The following KIF13B variants were observed in gnomAD, a reference collection of about 807,000 sequenced individuals.
KIF13B encodes kinesin-like protein KIF13B.
Under a neutral mutation model 222.0 loss-of-function variants are expected in KIF13B, and 127 were observed. The ratio of observed to expected loss-of-function variants is 0.57; its 90% CI spans 0.50 to 0.66. The LOEUF is 0.66. Among genes scored for constraint, KIF13B ranks in the 30% least tolerant of loss-of-function variants. The pLI is 0.00. For missense variants in KIF13B, 2,173 were observed against 2,379.0 expected, an observed-to-expected ratio of 0.91 and a Z score of 1.80; for synonymous variants, 976 against 919.0, an observed-to-expected ratio of 1.06 and a Z score of -1.12.
chr8:29,177,132 G>A (rs960367935), intron 9 of KIF13B, among the ~76,000 whole-genome samples: 17 of 152,120 alleles, frequency 1.1e-4, no homozygotes, highest in African/African-American at 3.9e-4. Flanking sequence ...GACACACCTG[G>A]GGGTGGGGGA....
chr8:29,091,381 T>C (rs1027114406), intron 37 of KIF13B, among the ~76,000 whole-genome samples: 1 of 152,162 alleles, frequency 6.6e-6, no homozygotes, highest in Non-Finnish European at 1.5e-5. Context: ...CTCCGTGACT[T>C]CCAACGTGAT....
rs371019353 is a variant in KIF13B, at chr8:29,251,795, C to A, written c.56-6356G>T. ...TTGTATTTCACAATTTAAAATATAG[C>A]ACTCAATACTATTATAAGTAACACA... On this transcript the variant is annotated intron_variant, in intron 1 of 39. Coordinates refer to ENST00000524189, the MANE Select transcript of KIF13B (RefSeq NM_015254.4). Among the ~76,000 whole-genome samples the A allele has an allele frequency of 7.2e-5, 11 of 152,226 alleles. 1 individual carries two copies. The South Asian group carries it at 2.3e-3, about 32-fold the overall frequency.
chr8:29,163,820 C>T (rs946122895), intron 12 of KIF13B, among the ~76,000 whole-genome samples: 5 of 152,180 alleles, frequency 3.3e-5, no homozygotes, highest in African/African-American at 1.2e-4. Context: ...CTCACTTAGA[C>T]TTGCCCTGTT....
At chr8:29,208,753 C>T (rs1814073844) in intron 2 of KIF13B, among the ~76,000 whole-genome samples, 1 of 152,084 alleles carries the variant, frequency 6.6e-6, no homozygotes. Flanking sequence ...ATTTTTTGCC[C>T]CTGCTTGCCA....
In KIF13B at chr8:29,130,483, A is replaced by C. The variant is rs1292648727; in HGVS notation, c.3075+50T>G. 22 of 1,592,674 alleles carry C rather than the reference A, an allele frequency of 1.4e-5. No homozygotes were observed. In the Admixed American group the frequency reaches 3.6e-4, roughly 26 times the overall value. Reference sequence around the variant, plus strand: ...TTTCCACTAAAAAGAAGCCAATATTAAGCTTTCTGGCACCAAAGAATCTAA... The same window carrying C: ...TTTCCACTAAAAAGAAGCCAATATTCAGCTTTCTGGCACCAAAGAATCTAA... On this transcript the variant is annotated intron_variant, in intron 24 of 39. Transcript: ENST00000524189.
At chr8:29,242,166 G>C (rs1815810926) in intron 2 of KIF13B, among the ~76,000 whole-genome samples, 1 of 152,090 alleles carries the variant, frequency 6.6e-6, no homozygotes, top group African/African-American at 2.4e-5. Context: ...AGCAAAAATA[G>C]AAGATAAAAC....
intron 29 of KIF13B, among the ~76,000 whole-genome samples, chr8:29,119,545 A>C (rs1809758062): frequency 6.6e-6 from 1 of 152,168 alleles, no homozygotes; most frequent in African/African-American, 2.4e-5. Flanking sequence ...GACCGAGAAC[A>C]TGTACCATGC....
intron 13 of KIF13B, among the ~76,000 whole-genome samples, chr8:29,159,012 C>A (rs1270405767): frequency 3.9e-5 from 6 of 152,184 alleles, no homozygotes; most frequent in Non-Finnish European, 1.5e-5. Context: ...ATATTTAGGT[C>A]CTATTCTAAC....
chr8:29,152,842 T>C (rs1184338496), intron 14 of KIF13B, among the ~76,000 whole-genome samples: 1 of 152,110 alleles, frequency 6.6e-6, no homozygotes, highest in Non-Finnish European at 1.5e-5. Flanking sequence ...CCTCTCAAAG[T>C]GCTGGGATTA....
chr8:29,132,217 G>T, intron 23 of KIF13B, 91 bp downstream of exon 23: 3 of 1,016,482 alleles, frequency 3.0e-6, no homozygotes, highest in South Asian at 3.2e-5. Flanking sequence ...CTGCACTCCA[G>T]CCTGGGTGAC....
At chr8:29,168,698 C>A (rs1488420201) in intron 10 of KIF13B, among the ~76,000 whole-genome samples, 1 of 152,182 alleles carries the variant, frequency 6.6e-6, no homozygotes, top group African/African-American at 2.4e-5. Context: ...GACACCTCCC[C>A]ACACCGGTCA....
intron 2 of KIF13B, among the ~76,000 whole-genome samples, chr8:29,224,321 A>G (rs1814915393): frequency 6.6e-6 from 1 of 152,202 alleles, no homozygotes; most frequent in Non-Finnish European, 1.5e-5. Context: ...CTTAAACATC[A>G]ATACTGGGCT....
intron 10 of KIF13B, among the ~76,000 whole-genome samples, chr8:29,171,486 A>C (rs1346362842): frequency 6.6e-6 from 1 of 152,176 alleles, no homozygotes; most frequent in Non-Finnish European, 1.5e-5. Context: ...GTACAAGTTC[A>C]ATGGAAATTA....
At chr8:29,246,346 C>T (rs1309047249) in intron 1 of KIF13B, among the ~76,000 whole-genome samples, 3 of 150,174 alleles carry the variant, frequency 2.0e-5, no homozygotes, top group Non-Finnish European at 4.4e-5. Flanking sequence ...CACTGCACTC[C>T]AGCCTGGGAG....
chr8:29,231,763 A>AG (rs1339026233), intron 2 of KIF13B, among the ~76,000 whole-genome samples: 6 of 137,478 alleles, frequency 4.4e-5, no homozygotes, highest in Non-Finnish European at 8.3e-5. Flanking sequence ...TATATCCTCT[A>AG]AAAAAAAAAG....
In KIF13B at chr8:29,234,730, T is replaced by C. The variant is rs147839220; in HGVS notation, c.149+10616A>G. ...GAGGAAAGAAAAAGTAATGTGAGCT[T>C]CAAAACCCAGGGCCAAGGTCAGGAA... is the stretch of plus-strand genomic sequence containing the variant. On this transcript the variant is annotated intron_variant, in intron 2 of 39. Coordinates refer to ENST00000524189, the MANE Select transcript of KIF13B (RefSeq NM_015254.4). Among the ~76,000 whole-genome samples, 406 of 148,756 alleles carry C rather than the reference T, an allele frequency of 2.7e-3. 1 individual carries two copies. Among genetic ancestry groups the C allele is most frequent in the African/African-American group, 9.5e-3 (385 of 40,552 alleles).
intron 2 of KIF13B, among the ~76,000 whole-genome samples, chr8:29,239,345 C>T (rs1255292092): frequency 6.6e-6 from 1 of 152,246 alleles, no homozygotes; most frequent in Non-Finnish European, 1.5e-5. Context: ...CGACAATTTT[C>T]ACTGCACACT....
At chr8:29,129,911 C>T (rs530138491) in intron 24 of KIF13B, among the ~76,000 whole-genome samples, 37 of 152,302 alleles carry the variant, frequency 2.4e-4, no homozygotes, top group African/African-American at 8.2e-4. Flanking sequence ...GTCTACATAA[C>T]AGGCGAAGGC....
intron 36 of KIF13B, among the ~76,000 whole-genome samples, chr8:29,094,671 C>T (rs1369028468): frequency 2.0e-5 from 3 of 152,110 alleles, no homozygotes; most frequent in Non-Finnish European, 4.4e-5. Context: ...ATATGACCCA[C>T]GGTCAACAAA....
Sources: allele counts gnomAD v4.1 joint callset (sites outside exome capture counted in the v4.1 genomes callset), GRCh38; gene constraint gnomAD v4.1.1; transcripts MANE v1.5; gene names NCBI Gene and HGNC (gene_info 2026-07-23, HGNC 2026-07-21).